VAV2: variants seen among roughly 807,000 people sequenced by gnomAD.
VAV2 encodes the protein guanine nucleotide exchange factor VAV2.
Under a neutral mutation model 132.5 loss-of-function variants are expected in VAV2, and 67 were observed. That is an observed-to-expected ratio of 0.51 (90% CI 0.42 to 0.62). The LOEUF (loss-of-function observed/expected upper bound fraction) is 0.62. Among genes scored for constraint, VAV2 ranks in the 20% least tolerant of loss-of-function variants. The pLI, the probability that VAV2 is intolerant of heterozygous loss-of-function variation, is 0.00. For synonymous variants in VAV2, 492 were observed against 443.5 expected (o/e 1.11, Z -1.37); for missense variants, 938 against 1,153.6 (o/e 0.81, Z 2.71).
chr9:133,846,276 C>T (rs550018947), intron 3 of VAV2, among the ~76,000 whole-genome samples: 4 of 151,662 alleles, frequency 2.6e-5, no homozygotes, highest in East Asian at 1.9e-4. Flanking sequence ...GGACTGACCA[C>T]ACCAAAGGGC....
intron 2 of VAV2, among the ~76,000 whole-genome samples, chr9:133,901,500 C>T (rs1205076644): frequency 6.6e-6 from 1 of 152,230 alleles, no homozygotes; most frequent in Admixed American, 6.5e-5. Flanking sequence ...ATGGCACCAC[C>T]TCGAGCCTGG....
chr9:133,831,313 GTAATCCCAGC>G (rs1836253420), intron 4 of VAV2, among the ~76,000 whole-genome samples: 2 of 152,176 alleles, frequency 1.3e-5, no homozygotes, highest in Non-Finnish European at 2.9e-5. Flanking sequence ...GTGCATGCCT[GTAATCCCAGC>G]TACTGGGGAG....
intron 3 of VAV2, among the ~76,000 whole-genome samples, chr9:133,842,373 C>A (rs1177017755): frequency 6.6e-6 from 1 of 152,180 alleles, no homozygotes; most frequent in Non-Finnish European, 1.5e-5. Flanking sequence ...CGGAGCACTC[C>A]GAGAGAACAG....
chr9:133,785,988 ATG>A, intron 16 of VAV2, 103 bp from the exon 17 acceptor site: 1 of 1,024,370 alleles, frequency 9.8e-7, no homozygotes, highest in Non-Finnish European at 1.5e-6. Context: ...ACGTGTGTAT[ATG>A]CATATGTGCA....
At chr9:133,925,699 C>G (rs1157853588) in intron 2 of VAV2, among the ~76,000 whole-genome samples, 1 of 152,158 alleles carries the variant, frequency 6.6e-6, no homozygotes, top group Non-Finnish European at 1.5e-5. Flanking sequence ...GCTGCCTTCC[C>G]CAGCCCTAAG....
At chr9:133,837,381 T>C (rs1431707146) in intron 3 of VAV2, among the ~76,000 whole-genome samples, 2 of 152,184 alleles carry the variant, frequency 1.3e-5, no homozygotes, top group Non-Finnish European at 2.9e-5. Context: ...CCCACTAAAA[T>C]AAGGCACAAC....
intron 2 of VAV2, among the ~76,000 whole-genome samples, chr9:133,867,034 C>T (rs1242478464): frequency 1.3e-5 from 2 of 152,186 alleles, no homozygotes; most frequent in Admixed American, 6.5e-5. Context: ...ACGGTCCTAA[C>T]AGAGGTCTCG....
At chr9:133,792,762 C>G (rs976548415) in intron 12 of VAV2, among the ~76,000 whole-genome samples, 2 of 147,702 alleles carry the variant, frequency 1.4e-5, no homozygotes, top group South Asian at 4.3e-4. Flanking sequence ...AGGCCGCCCT[C>G]GAGACAGGAG....
Position 133,928,075 on chromosome 9 carries a change from G to A in VAV2, c.321+11028C>T, listed in dbSNP as rs1840541023. On this transcript the variant is annotated intron_variant, in intron 2 of 29. Coordinates refer to ENST00000371850, the MANE Select transcript of VAV2 (RefSeq NM_001134398.2). This position sits in a 1 kb window ranked among gnomAD's most constrained non-coding sequence, Gnocchi z 5.4. ...CCTTGTCCAGTGTGAAGTTAATGAC[G>A]GGCATGGCTCCCGCCTGGAAAGGAA... 6.6e-6 allele frequency among the ~76,000 whole-genome samples: 1 copy of A among 152,132 alleles called. No individual in the cohort carries two copies. Among genetic ancestry groups the A allele is most frequent in the Non-Finnish European group, 1.5e-5 (1 of 68,026 alleles).
chr9:133,990,408 C>T (rs1242554984), intron 1 of VAV2, among the ~76,000 whole-genome samples: 2 of 152,166 alleles, frequency 1.3e-5, no homozygotes, highest in Admixed American at 6.5e-5. Context: ...AAGCCACCTG[C>T]CACAGCCACG....
rs552611305 is a variant in VAV2 at position 133,820,511 on chromosome 9, G to T, written c.450-8295C>A. Reference sequence around the variant, plus strand: ...GCTAATTTTTTTTGTATTTTTAGTAGAGACAGGGTTTCACTGTGTTAGCCA... The same window carrying T: ...GCTAATTTTTTTTGTATTTTTAGTATAGACAGGGTTTCACTGTGTTAGCCA... On this transcript the variant is annotated intron_variant, in intron 4 of 29. Transcript: ENST00000371850. 6.6e-5 allele frequency among the ~76,000 whole-genome samples: 10 copies of T among 152,156 alleles called. No homozygotes were observed. The South Asian group carries it at 1.9e-3, about 28-fold the overall frequency.
chr9:133,897,303 A>G (rs1192665053), intron 2 of VAV2, among the ~76,000 whole-genome samples: 2 of 152,160 alleles, frequency 1.3e-5, no homozygotes, highest in African/African-American at 2.4e-5. Flanking sequence ...GGCGGGTGCC[A>G]GCCTCAGCCT....
intron 3 of VAV2, among the ~76,000 whole-genome samples, chr9:133,853,320 C>T (rs746322306): frequency 2.6e-5 from 4 of 152,134 alleles, no homozygotes; most frequent in Non-Finnish European, 4.4e-5. Flanking sequence ...AGAGGGTCCT[C>T]GGCCAAGAGA....
At chr9:133,874,976 G>A (rs1203587545) in intron 2 of VAV2, among the ~76,000 whole-genome samples, 2 of 152,280 alleles carry the variant, frequency 1.3e-5, no homozygotes, top group East Asian at 3.9e-4. Context: ...GTCTAGAAAT[G>A]GGTGCGTCTC....
intron 27 of VAV2, 152 bp downstream of exon 27, chr9:133,770,226 C>T: frequency 8.0e-7 from 1 of 1,252,498 alleles, no homozygotes; most frequent in Non-Finnish European, 1.1e-6. Context: ...CACATGACAG[C>T]ATCTGCGATG....
At chr9:133,954,928 T>C (rs1374848569) in intron 1 of VAV2, among the ~76,000 whole-genome samples, 1 of 152,168 alleles carries the variant, frequency 6.6e-6, no homozygotes, top group Non-Finnish European at 1.5e-5. Context: ...GAGGGTAAGA[T>C]GTAAACAGAT....
intron 2 of VAV2, among the ~76,000 whole-genome samples, chr9:133,868,380 C>G (rs1035196561): frequency 1.3e-5 from 2 of 152,210 alleles, no homozygotes; most frequent in African/African-American, 4.8e-5. Context: ...CCCAGACTGC[C>G]CTGGGTTCAA....
At chr9:133,941,520 A>C (rs1454583129) in intron 1 of VAV2, among the ~76,000 whole-genome samples, 1 of 151,986 alleles carries the variant, frequency 6.6e-6, no homozygotes. Flanking sequence ...TGAGTCTAAA[A>C]CACTCCATGA....
chr9:133,848,279 C>CAAAAAAAAAAAAAAAAAAAAAAAAAA (rs34908811), intron 3 of VAV2, among the ~76,000 whole-genome samples: 3 of 48,620 alleles, frequency 6.2e-5, no homozygotes, highest in Non-Finnish European at 6.0e-5. Context: ...GACTCCGTCT[C>CAAAAAAAAAAAAAAAAAAAAAAAAAA]AAAAAAAAAA....
Sources: gnomAD v4.1 joint callset for allele counts (sites outside exome capture counted in the v4.1 genomes callset) on GRCh38, gnomAD v4.1.1 for gene constraint, Gnocchi (gnomAD v3.1) non-coding constraint, MANE v1.5 for transcripts, NCBI Gene and HGNC (gene_info 2026-07-23, HGNC 2026-07-21) for gene names.